The following RAD51B variants were observed in gnomAD, a reference collection of about 807,000 sequenced individuals.
RAD51B encodes the protein DNA repair protein RAD51 homolog 2.
RAD51B carries 38 observed loss-of-function variants against 42.2 expected under a neutral mutation model. The observed-to-expected ratio is 0.90, with a 90% CI of 0.70 to 1.18. The LOEUF (loss-of-function observed/expected upper bound fraction) is 1.18, where lower values mean the gene tolerates loss of function less well. RAD51B is among the 50% of genes most tolerant of loss of function. RAD51B has a pLI of 0.00. For missense variants in RAD51B, 373 were observed against 400.7 expected, an observed-to-expected ratio of 0.93 and a Z score of 0.59; for synonymous variants, 154 against 145.2, an observed-to-expected ratio of 1.06 and a Z score of -0.43.
chr14:67,856,421 TG>T (rs1157284789), intron 4 of RAD51B, among the ~76,000 whole-genome samples: 5 of 152,140 alleles, frequency 3.3e-5, no homozygotes, highest in African/African-American at 1.2e-4. Context: ...ATTTTAAAAA[TG>T]AATTTTGTAG....
chr14:68,659,831 G>A lies in RAD51B; in HGVS notation c.*11+8975G>A, dbSNP rs922879098. Among the ~76,000 whole-genome samples the A allele has an allele frequency of 3.3e-5, 5 of 152,242 alleles. No individual in the cohort carries two copies. In the South Asian group the frequency reaches 8.3e-4, roughly 25 times the overall value. On this transcript the variant is annotated intron_variant, in intron 11 of 11. Coordinates refer to the RAD51B transcript ENST00000488612. Reference sequence around the variant, plus strand: ...TCCCCAAAAGTTCTGGGGCAAGGACGCTCAGCCTGCTGCCAATGGAGGCAT... The same window carrying A: ...TCCCCAAAAGTTCTGGGGCAAGGACACTCAGCCTGCTGCCAATGGAGGCAT...
At chr14:68,157,690 C>G (rs1463377464) in intron 7 of RAD51B, among the ~76,000 whole-genome samples, 1 of 152,122 alleles carries the variant, frequency 6.6e-6, no homozygotes, top group East Asian at 1.9e-4. Flanking sequence ...CAGATGAGCT[C>G]TACATCCTGA....
At chr14:67,839,896 A>G (rs1054844453) in intron 4 of RAD51B, among the ~76,000 whole-genome samples, 1 of 152,094 alleles carries the variant, frequency 6.6e-6, no homozygotes, top group African/African-American at 2.4e-5. Flanking sequence ...CATTCCCATC[A>G]CAATTGCTTC....
intron 7 of RAD51B, among the ~76,000 whole-genome samples, chr14:68,287,374 A>T (rs994909495): frequency 6.6e-6 from 1 of 152,224 alleles, no homozygotes; most frequent in African/African-American, 2.4e-5. Flanking sequence ...GCATTCTCTC[A>T]TATATAAAGT....
At chr14:67,974,976 T>C (rs549183216) in intron 7 of RAD51B, among the ~76,000 whole-genome samples, 5 of 152,288 alleles carry the variant, frequency 3.3e-5, no homozygotes, top group Admixed American at 1.3e-4. Context: ...GTAGTGTGCT[T>C]TTTTTGGTTT....
At chr14:68,196,190 C>CAA (rs538516792) in intron 7 of RAD51B, among the ~76,000 whole-genome samples, 6 of 112,228 alleles carry the variant, frequency 5.3e-5, no homozygotes, top group South Asian at 5.8e-4. Context: ...GACTCCATCT[C>CAA]AAAAAAAAAA....
chr14:68,303,457 TAAAAAAAA>T (rs58955054), intron 8 of RAD51B, among the ~76,000 whole-genome samples: 4 of 138,740 alleles, frequency 2.9e-5, no homozygotes, highest in East Asian at 2.1e-4. Context: ...TAAAGTATAA[TAAAAAAAA>T]AAAAAAAAAA....
intron 10 of RAD51B, among the ~76,000 whole-genome samples, chr14:68,502,896 A>ATTCTAG (rs1317564574): frequency 3.1e-4 from 47 of 152,248 alleles, no homozygotes; most frequent in Middle Eastern, 3.4e-3. Flanking sequence ...CATATCTGCC[A>ATTCTAG]GGGAACATTC....
chr14:68,416,549 G>A (rs939642062), intron 9 of RAD51B, among the ~76,000 whole-genome samples: 1 of 152,218 alleles, frequency 6.6e-6, no homozygotes. Flanking sequence ...TCTGAAGGAC[G>A]AAGGACTGCT....
intron 10 of RAD51B, among the ~76,000 whole-genome samples, chr14:68,522,562 G>A: frequency 6.6e-6 from 1 of 152,140 alleles, no homozygotes; most frequent in Non-Finnish European, 1.5e-5. Context: ...AAACAACCCA[G>A]AGCCATCTGA....
intron 7 of RAD51B, among the ~76,000 whole-genome samples, chr14:68,045,775 A>G (rs545836605): frequency 2.6e-5 from 4 of 152,302 alleles, no homozygotes; most frequent in South Asian, 4.1e-4. Context: ...CAAGGTGGCT[A>G]TGGGGTAGTA....
intron 7 of RAD51B, among the ~76,000 whole-genome samples, chr14:68,017,626 A>G (rs1329711669): frequency 6.6e-6 from 1 of 152,036 alleles, no homozygotes; most frequent in Non-Finnish European, 1.5e-5. Context: ...TCTATCATAG[A>G]TTTTCATGGA....
At chr14:68,065,607 G>A (rs1281632498) in intron 7 of RAD51B, among the ~76,000 whole-genome samples, 7 of 152,250 alleles carry the variant, frequency 4.6e-5, no homozygotes, top group African/African-American at 1.7e-4. Context: ...AAAGCAGGGA[G>A]CTAGCTGGCT....
chr14:68,399,286 T>C (rs539262965), intron 8 of RAD51B, among the ~76,000 whole-genome samples: 18 of 149,496 alleles, frequency 1.2e-4, no homozygotes, highest in African/African-American at 4.5e-4. Flanking sequence ...AGATGGAGTC[T>C]TACTGTGTCG....
At chr14:68,470,855 T>C (rs2086106312) in intron 10 of RAD51B, 2 of 366,732 alleles carry the variant, frequency 5.5e-6, no homozygotes, top group Non-Finnish European at 1.0e-5. Flanking sequence ...TGTCCGATCC[T>C]CCTAGGAGAG....
chr14:68,529,606 C>A (rs572202990), intron 10 of RAD51B, among the ~76,000 whole-genome samples: 14 of 152,260 alleles, frequency 9.2e-5, no homozygotes, highest in African/African-American at 3.1e-4. Context: ...ATCACTAACA[C>A]CATAGCTGGG....
intron 8 of RAD51B, among the ~76,000 whole-genome samples, chr14:68,391,774 T>C (rs2083766489): frequency 6.6e-6 from 1 of 152,172 alleles, no homozygotes; most frequent in African/African-American, 2.4e-5. Flanking sequence ...CCATGGTGAA[T>C]GCAAGGCAGA....
chr14:68,503,300 A>AT (rs1162685821), intron 10 of RAD51B, among the ~76,000 whole-genome samples: 1 of 152,168 alleles, frequency 6.6e-6, no homozygotes, highest in Admixed American at 6.5e-5. Context: ...AGAAATTGAC[A>AT]TGAGAACATT....
intron 5 of RAD51B, among the ~76,000 whole-genome samples, chr14:67,883,695 C>G (rs1351066960): frequency 1.3e-5 from 2 of 152,114 alleles, no homozygotes; most frequent in Non-Finnish European, 2.9e-5. Flanking sequence ...CCTCTACAGC[C>G]TTATTACCTC....
Sources: gnomAD v4.1 joint callset for allele counts (sites outside exome capture counted in the v4.1 genomes callset) on GRCh38, gnomAD v4.1.1 for gene constraint, MANE v1.5 for transcripts, NCBI Gene and HGNC (gene_info 2026-07-23, HGNC 2026-07-21) for gene names.